DHX57: variants seen among roughly 807,000 people sequenced by gnomAD.
The protein encoded by DHX57 is DExH-box helicase 57.
A neutral mutation model predicts 156.2 loss-of-function variants in DHX57; 105 were observed. The observed-to-expected ratio is 0.67, with a 90% confidence interval of 0.57 to 0.79. The LOEUF is 0.79. Among genes scored for constraint, DHX57 ranks in the 30% least tolerant of loss-of-function variants. DHX57 has a pLI of 0.00. For missense variants in DHX57, 1,847 were observed against 1,661.9 expected, an observed-to-expected ratio of 1.11 and a Z score of -1.94; for synonymous variants, 704 against 595.6, an observed-to-expected ratio of 1.18 and a Z score of -2.65.
At chr2:38,872,637 A>G (rs1308710674) in intron 1 of DHX57, among the ~76,000 whole-genome samples, 1 of 152,222 alleles carries the variant, frequency 6.6e-6, no homozygotes, top group Non-Finnish European at 1.5e-5. Flanking sequence ...AGAGATAGGG[A>G]TATTTCTTAA....
chr2:38,850,846 G>A lies in DHX57; in HGVS notation c.2031-2444C>T, dbSNP rs190668924. ...TCCCAGCACTTTGGGAGGCCAAGGC[G>A]AGCATATCACTTGAGCTCAGGAGTT... On this transcript the variant is annotated intron_variant, in intron 9 of 23. Coordinates refer to ENST00000457308, the MANE Select transcript of DHX57 (RefSeq NM_198963.3). 7.9e-5 allele frequency among the ~76,000 whole-genome samples: 12 copies of A among 152,150 alleles called. No homozygotes were observed. The South Asian group carries it at 1.9e-3, about 24-fold the overall frequency.
intron 9 of DHX57, 43 bp from the exon 10 acceptor site, chr2:38,848,445 A>C: frequency 7.1e-6 from 11 of 1,545,596 alleles, no homozygotes; most frequent in Non-Finnish European, 9.6e-6. Context: ...AACAAATTCA[A>C]CACATGAAAA....
rs1481655702 is a variant in DHX57 at position 38,844,547 on chromosome 2, G to A, written c.2220-1337C>T. 3.1e-3 allele frequency among the ~76,000 whole-genome samples: 49 copies of A among 15,730 alleles called. 16 individuals are homozygous for A. Among genetic ancestry groups the A allele is most frequent in the Admixed American group, 6.9e-3 (4 of 578 alleles). 10.3% of individuals were successfully genotyped at this position (15,730 alleles called of 152,430 possible). On this transcript the variant is annotated intron_variant, in intron 11 of 23. Coordinates refer to ENST00000457308, the MANE Select transcript of DHX57 (RefSeq NM_198963.3). ...TGGGAGGCTGAGGCAGGAGAATGGCGTGAACCCGGGAGGCGGAGCTTGCAG... is the reference window on the plus strand; with the variant it reads ...TGGGAGGCTGAGGCAGGAGAATGGCATGAACCCGGGAGGCGGAGCTTGCAG...
intron 2 of DHX57, 99 bp from the exon 3 acceptor site, chr2:38,863,618 G>A: frequency 9.2e-7 from 1 of 1,081,628 alleles, no homozygotes; most frequent in East Asian, 2.4e-5. Context: ...AAACTGGATT[G>A]TCAAGTATCT....
intron 21 of DHX57, among the ~76,000 whole-genome samples, chr2:38,812,842 T>TTGTC (rs1670328103): frequency 4.4e-5 from 1 of 22,966 alleles, no homozygotes; most frequent in African/African-American, 1.0e-4. Flanking sequence ...CCTTATTTAC[T>TTGTC]TGTTTGTTTG....
In DHX57 at chr2:38,854,029, T is replaced by C. The variant is rs773818850; in HGVS notation, c.2030+25A>G. ...TGCCTTCAATTCAGGTGAGTGTGTG[T>C]TCCCTGGGAAAGTCTTTGTTTTACC... On this transcript the variant is annotated intron_variant, in intron 9 of 23. Coordinates refer to ENST00000457308, the MANE Select transcript of DHX57 (RefSeq NM_198963.3). 6.2e-5 allele frequency: 98 copies of C among 1,590,230 alleles called. No individual in the cohort carries two copies. In the South Asian group the frequency reaches 1.1e-3, roughly 18 times the overall value.
chr2:38,807,788 C>G (rs1156487860), intron 21 of DHX57, among the ~76,000 whole-genome samples: 1 of 150,422 alleles, frequency 6.6e-6, no homozygotes, highest in East Asian at 2.0e-4. Context: ...GCTGGGATTA[C>G]AGGCATGAGC....
chr2:38,870,907 A>C (rs1469517409), intron 1 of DHX57, among the ~76,000 whole-genome samples: 1 of 151,992 alleles, frequency 6.6e-6, no homozygotes, highest in East Asian at 1.9e-4. Context: ...AAACAAAAAA[A>C]AAACAACAAA....
At chr2:38,841,188 C>T (rs1041626310) in intron 12 of DHX57, among the ~76,000 whole-genome samples, 9 of 152,106 alleles carry the variant, frequency 5.9e-5, no homozygotes, top group Non-Finnish European at 1.2e-4. Flanking sequence ...GTTGGTATGA[C>T]GTACAAAAAG....
intron 1 of DHX57, among the ~76,000 whole-genome samples, chr2:38,872,543 G>A (rs1665403431): frequency 6.6e-6 from 1 of 152,174 alleles, no homozygotes; most frequent in South Asian, 2.1e-4. Context: ...GGAAAAAGAT[G>A]ATCTTGCAAA....
At chr2:38,875,030 T>C (rs1477854265) in intron 1 of DHX57, among the ~76,000 whole-genome samples, 3 of 152,192 alleles carry the variant, frequency 2.0e-5, no homozygotes, top group African/African-American at 7.2e-5. Context: ...TTACGCTGAA[T>C]CAAAACAAGT....
intron 13 of DHX57, among the ~76,000 whole-genome samples, chr2:38,830,407 C>T (rs1267527937): frequency 2.0e-5 from 3 of 152,000 alleles, no homozygotes; most frequent in Non-Finnish European, 4.4e-5. Flanking sequence ...GTGGGTGGAT[C>T]ACCTGAGGTC....
At chr2:38,819,490 T>C (rs191037111) in intron 17 of DHX57, among the ~76,000 whole-genome samples, 29 of 152,358 alleles carry the variant, frequency 1.9e-4, no homozygotes, top group Admixed American at 1.8e-3. Flanking sequence ...AGGACACTTT[T>C]TATCTGAGGT....
At chr2:38,811,585 G>C (rs956115640) in intron 21 of DHX57, 29 of 1,363,510 alleles carry the variant, frequency 2.1e-5, no homozygotes, top group Non-Finnish European at 2.9e-5. Context: ...TGTTCCTTCA[G>C]CCACACGAGG....
At chr2:38,855,478 T>A (rs1672850515) in intron 7 of DHX57, among the ~76,000 whole-genome samples, 1 of 152,210 alleles carries the variant, frequency 6.6e-6, no homozygotes. Flanking sequence ...GTAACATTTG[T>A]AAAATTGGGA....
At chr2:38,852,854 G>A (rs149373140) in intron 9 of DHX57, among the ~76,000 whole-genome samples, 2,084 of 151,922 alleles carry the variant, frequency 0.014, 11 homozygotes, top group Middle Eastern at 0.041. Context: ...TTTATTATTC[G>A]TGGTGCTTAA....
intron 2 of DHX57, chr2:38,867,357 T>C (rs1417016944): frequency 6.6e-6 from 1 of 152,234 alleles, no homozygotes; most frequent in Non-Finnish European, 1.5e-5. Flanking sequence ...AGCAAAACAT[T>C]TACTTTTATT....
intron 1 of DHX57, among the ~76,000 whole-genome samples, chr2:38,872,257 A>G (rs1665391645): frequency 6.6e-6 from 1 of 152,254 alleles, no homozygotes; most frequent in Non-Finnish European, 1.5e-5. Flanking sequence ...AAAATACTAC[A>G]TTAGAAAATA....
At chr2:38,864,809 C>G (rs1664973927) in intron 2 of DHX57, among the ~76,000 whole-genome samples, 1 of 152,162 alleles carries the variant, frequency 6.6e-6, no homozygotes, top group Non-Finnish European at 1.5e-5. Context: ...GTCTCTGTCT[C>G]CATTTTCTTT....
Sources: allele counts gnomAD v4.1 joint callset (sites outside exome capture counted in the v4.1 genomes callset), GRCh38; gene constraint gnomAD v4.1.1; transcripts MANE v1.5; gene names NCBI Gene and HGNC (gene_info 2026-07-23, HGNC 2026-07-21).